PAX5: variants seen among roughly 807,000 people sequenced by gnomAD.
The protein encoded by PAX5 is paired box 5.
PAX5 carries 9 observed loss-of-function variants against 43.7 expected under a neutral mutation model. That is an observed-to-expected ratio of 0.21 (90% CI 0.12 to 0.36). The LOEUF is 0.36. PAX5 is among the 10% of genes least tolerant of loss of function. The pLI is 1.00. For missense variants in PAX5, 383 were observed against 532.7 expected (o/e 0.72, Z 2.77); for synonymous variants, 228 against 214.3 (o/e 1.06, Z -0.56).
intron 6 of PAX5, among the ~76,000 whole-genome samples, chr9:36,944,787 T>TA (rs1832354982): frequency 6.6e-6 from 1 of 152,244 alleles, no homozygotes; most frequent in Admixed American, 6.5e-5. Flanking sequence ...GTGGGGCAGT[T>TA]ACCCAATTGA....
At chr9:36,996,081 T>A (rs535180504) in intron 5 of PAX5, among the ~76,000 whole-genome samples, 1 of 152,216 alleles carries the variant, frequency 6.6e-6, no homozygotes, top group Non-Finnish European at 1.5e-5. Context: ...TTCAGTACTA[T>A]GGAATCGCTC....
chr9:37,033,891 C>T lies in PAX5; in HGVS notation c.46+95G>A, dbSNP rs1041292998. 4.9e-5 allele frequency: 52 copies of T among 1,069,564 alleles called. 1 individual carries two copies. The East Asian group carries it at 9.0e-4, about 18-fold the overall frequency. The allele number at this position is 1,069,564 out of a possible 1,614,324, so 66.3% of individuals were successfully genotyped here. ...TTAGACAGTCTCTACGAAAATGCGG[C>T]GCGCCCCCTCCTCCTCCAGGGTCAC... On this transcript the variant is annotated intron_variant, in intron 1 of 9. Transcript: ENST00000358127.
At chr9:36,876,421 C>T (rs918525098) in intron 8 of PAX5, among the ~76,000 whole-genome samples, 1 of 152,254 alleles carries the variant, frequency 6.6e-6, no homozygotes, top group African/African-American at 2.4e-5. Flanking sequence ...ATGGGGCACC[C>T]ACCGGTTCCT....
chr9:36,869,036 A>G (rs1825171917), intron 8 of PAX5, among the ~76,000 whole-genome samples: 1 of 152,332 alleles, frequency 6.6e-6, no homozygotes, highest in Middle Eastern at 3.4e-3. Flanking sequence ...GGCAGAAGCC[A>G]AGCTCCACTG....
At chr9:37,013,349 G>A (rs1442088121) in intron 3 of PAX5, among the ~76,000 whole-genome samples, 1 of 151,998 alleles carries the variant, frequency 6.6e-6, no homozygotes, top group East Asian at 1.9e-4. Context: ...TATCTGCCTG[G>A]CCCCATGTAA....
rs1379012645 is a variant in PAX5 at position 37,034,237 on chromosome 9, G to A, written c.-206C>T. The A allele has an allele frequency of 3.5e-6, 2 of 567,876 alleles. No individual in the cohort carries two copies. Among genetic ancestry groups the A allele is most frequent in the African/African-American group, 1.9e-5 (1 of 53,070 alleles). 35.2% of individuals were successfully genotyped at this position (567,876 alleles called of 1,614,324 possible). ...TAAACGTTTTAGGTGGAAAAAAAGC[G>A]TCCGAAGGCACCGTGAAATGATTAA... On this transcript the variant is annotated 5_prime_UTR_variant, in exon 1 of 10. It adds an upstream start codon to the 5' untranslated region. Transcript: ENST00000358127.
intron 8 of PAX5, among the ~76,000 whole-genome samples, chr9:36,860,245 G>A (rs555423111): frequency 1.3e-5 from 2 of 152,084 alleles, no homozygotes; most frequent in South Asian, 4.2e-4. Flanking sequence ...GCTGAGGGAG[G>A]AGAATCACTT....
At chr9:36,897,527 A>G (rs1022852758) in intron 7 of PAX5, among the ~76,000 whole-genome samples, 2 of 151,720 alleles carry the variant, frequency 1.3e-5, no homozygotes, top group African/African-American at 4.9e-5. Context: ...AGAAAAAAAC[A>G]AAACCTTAAC....
At chr9:36,932,760 G>A (rs1831230117) in intron 6 of PAX5, among the ~76,000 whole-genome samples, 1 of 152,174 alleles carries the variant, frequency 6.6e-6, no homozygotes, top group Admixed American at 6.5e-5. Flanking sequence ...GATAAGTGGA[G>A]TGTGTCGGGG....
chr9:36,848,003 G>A (rs1038724395), intron 8 of PAX5, among the ~76,000 whole-genome samples: 1 of 152,202 alleles, frequency 6.6e-6, no homozygotes, highest in African/African-American at 2.4e-5. Flanking sequence ...CCCTGGAACA[G>A]GGCATGGAAA....
intron 5 of PAX5, among the ~76,000 whole-genome samples, chr9:36,995,242 T>A (rs1837294578): frequency 6.6e-6 from 1 of 152,208 alleles, no homozygotes; most frequent in Admixed American, 6.5e-5. Context: ...GAAGGACCAA[T>A]GACCCAACAC....
intron 5 of PAX5, among the ~76,000 whole-genome samples, chr9:36,997,822 G>C (rs2132363896): frequency 6.6e-6 from 1 of 152,334 alleles, no homozygotes; most frequent in East Asian, 1.9e-4. Context: ...AATGATTTGT[G>C]GCCCCTGCCC....
At chr9:36,900,498 G>GAA (rs2131854645) in intron 7 of PAX5, among the ~76,000 whole-genome samples, 1 of 152,098 alleles carries the variant, frequency 6.6e-6, no homozygotes, top group African/African-American at 2.4e-5. Context: ...AACATCCTTA[G>GAA]AAAATCCCTT....
chr9:36,922,625 T>C (rs1006696633), intron 7 of PAX5: 5 of 152,254 alleles, frequency 3.3e-5, no homozygotes, highest in Admixed American at 2.6e-4. Context: ...CTACATGTAT[T>C]GGGTGCTTAC....
At chr9:36,870,785 T>C (rs1163431302) in intron 8 of PAX5, among the ~76,000 whole-genome samples, 1 of 152,182 alleles carries the variant, frequency 6.6e-6, no homozygotes, top group Admixed American at 6.5e-5. Context: ...AGCTCAAGTC[T>C]GGTGGAGGTA....
At chr9:36,983,024 C>G (rs1245605529) in intron 5 of PAX5, among the ~76,000 whole-genome samples, 1 of 152,130 alleles carries the variant, frequency 6.6e-6, no homozygotes, top group East Asian at 1.9e-4. Context: ...CAGCACAGTT[C>G]AGCACGGTAA....
chr9:36,903,680 C>A (rs1420163334), intron 7 of PAX5, among the ~76,000 whole-genome samples: 1 of 152,222 alleles, frequency 6.6e-6, no homozygotes, highest in Non-Finnish European at 1.5e-5. Context: ...TCACCCAGGA[C>A]CTGCTAAGGC....
chr9:37,013,599 G>C (rs764616726), intron 3 of PAX5, among the ~76,000 whole-genome samples: 1 of 152,086 alleles, frequency 6.6e-6, no homozygotes, highest in African/African-American at 2.4e-5. Context: ...TCCATAAAAA[G>C]AACAGGAGTT....
intron 8 of PAX5, among the ~76,000 whole-genome samples, chr9:36,866,379 C>T (rs747165778): frequency 6.6e-6 from 1 of 152,184 alleles, no homozygotes; most frequent in Non-Finnish European, 1.5e-5. Context: ...TGTGCCCCGG[C>T]GTACCTGCAG....
Sources: allele counts gnomAD v4.1 joint callset (sites outside exome capture counted in the v4.1 genomes callset), GRCh38; gene constraint gnomAD v4.1.1; transcripts MANE v1.5; gene names NCBI Gene and HGNC (gene_info 2026-07-23, HGNC 2026-07-21).